SSU72: variants seen among roughly 807,000 people sequenced by gnomAD.
SSU72 encodes the protein RNA polymerase II subunit A C-terminal domain phosphatase SSU72.
SSU72 carries 12 observed loss-of-function variants against 22.7 expected under a neutral mutation model. That is an observed-to-expected ratio of 0.53 (90% confidence interval 0.34 to 0.86). The LOEUF (loss-of-function observed/expected upper bound fraction) is 0.86, where lower values mean the gene tolerates loss of function less well. SSU72 is among the 40% of genes least tolerant of loss of function. The pLI is 0.02. For synonymous variants in SSU72, 116 were observed against 98.3 expected, an observed-to-expected ratio of 1.18 and a Z score of -1.06; for missense variants, 151 against 249.8, an observed-to-expected ratio of 0.60 and a Z score of 2.67.
intron 2 of SSU72, chr1:1,546,570 C>T (rs1642391362): frequency 6.6e-6 from 1 of 152,134 alleles, no homozygotes. Context: ...GGCGTGGCGA[C>T]TCACACCTGT....
At chr1:1,559,500 A>G (rs1286992433) in intron 2 of SSU72, among the ~76,000 whole-genome samples, 1 of 152,220 alleles carries the variant, frequency 6.6e-6, no homozygotes, top group Admixed American at 6.5e-5. Context: ...CCACCCAAGG[A>G]AAGAACCTAC....
Position 1,541,809 on chromosome 1 carries a change from C to G in SSU72, c.*257G>C, listed in dbSNP as rs1642322832. On this transcript the variant is annotated 3_prime_UTR_variant, in exon 5 of 5. Coordinates refer to ENST00000291386, the MANE Select transcript of SSU72 (RefSeq NM_014188.3). ...ACACAGGTATGTCGGGAAGTGCACA[C>G]AAACCGTTGTCTTTCCTTTTTGGTT... is the stretch of plus-strand genomic sequence containing the variant. The G allele has an allele frequency of 2.1e-6, 1 of 474,442 alleles. No individual in the cohort carries two copies. Among genetic ancestry groups the G allele is most frequent in the South Asian group, 2.1e-5 (1 of 47,486 alleles). 29.4% of individuals were successfully genotyped at this position (474,442 alleles called of 1,614,324 possible).
chr1:1,547,129 C>T (rs1158482455), intron 2 of SSU72, among the ~76,000 whole-genome samples: 7 of 152,096 alleles, frequency 4.6e-5, no homozygotes, highest in Admixed American at 2.0e-4. Context: ...GGAGAGGAAC[C>T]GGGGTCAGGG....
Position 1,554,282 on chromosome 1 carries a change from G to A in SSU72, c.225-9280C>T, listed in dbSNP as rs1427470166. ...CACTCGGGGGCCCCCACGAAGCTGA[G>A]CACGAGACGGATCCGGACCACTCGG... is the stretch of plus-strand genomic sequence containing the variant. On this transcript the variant is annotated intron_variant, in intron 2 of 4. Transcript: ENST00000291386. The surrounding 1 kb of genome is among the most constrained non-coding windows in gnomAD (Gnocchi z 4.1). Among the ~76,000 whole-genome samples the A allele has an allele frequency of 2.6e-5, 4 of 151,964 alleles. No homozygotes were observed. Among genetic ancestry groups the A allele is most frequent in the African/African-American group, 9.7e-5 (4 of 41,362 alleles).
At chr1:1,564,247 T>C in intron 2 of SSU72, 1 of 422,604 alleles carries the variant, frequency 2.4e-6, no homozygotes, top group Admixed American at 4.0e-5. Flanking sequence ...TAGCCTGCTC[T>C]GTGTCCTCCT....
intron 4 of SSU72, among the ~76,000 whole-genome samples, chr1:1,543,152 A>G (rs1005368331): frequency 1.3e-5 from 2 of 152,204 alleles, no homozygotes; most frequent in African/African-American, 2.4e-5. Flanking sequence ...CAGGGTGGCT[A>G]CAGAAGCCTT....
At chr1:1,552,208 T>C (rs765121963) in intron 2 of SSU72, among the ~76,000 whole-genome samples, 5 of 152,178 alleles carry the variant, frequency 3.3e-5, no homozygotes, top group Admixed American at 6.5e-5. Flanking sequence ...CAACGGCACC[T>C]GCACAGGGAG....
chr1:1,556,773 C>T lies in SSU72; in HGVS notation c.224+8000G>A, dbSNP rs533788761. ...GCACCGTGAAACTACTTTGCAAAAGCATCTCACCTGCTGCAGACTAGGTGA... is the reference window on the plus strand; with the variant it reads ...GCACCGTGAAACTACTTTGCAAAAGTATCTCACCTGCTGCAGACTAGGTGA... On this transcript the variant is annotated intron_variant, in intron 2 of 4. Coordinates refer to ENST00000291386, the MANE Select transcript of SSU72 (RefSeq NM_014188.3). 7.9e-5 allele frequency among the ~76,000 whole-genome samples: 12 copies of T among 152,342 alleles called. No homozygotes were observed. In the South Asian group the frequency reaches 2.3e-3, roughly 29 times the overall value.
chr1:1,563,296 G>A (rs1642618067), intron 2 of SSU72: 1 of 152,240 alleles, frequency 6.6e-6, no homozygotes, highest in Non-Finnish European at 1.5e-5. Flanking sequence ...CACTCTGAGA[G>A]GCCGAGGCAG....
chr1:1,543,675 C>T (rs1642353301), intron 4 of SSU72, 194 bp downstream of exon 4: 2 of 588,954 alleles, frequency 3.4e-6, no homozygotes, highest in Non-Finnish European at 3.0e-6. Flanking sequence ...CGGCCACTCC[C>T]CACTGTCACG....
intron 4 of SSU72, 66 bp downstream of exon 4, chr1:1,543,797 CCTCTGT>C: frequency 7.7e-7 from 1 of 1,306,220 alleles, no homozygotes; most frequent in Non-Finnish European, 1.1e-6. Context: ...CGGCCACTCC[CCTCTGT>C]CACGGCCTCG....
intron 2 of SSU72, among the ~76,000 whole-genome samples, chr1:1,547,497 C>T (rs1294850503): frequency 6.6e-6 from 1 of 152,216 alleles, no homozygotes; most frequent in Admixed American, 6.5e-5. Context: ...CGAGGTGAGG[C>T]CCCGCCCAGA....
rs969478813 is a variant in SSU72, at chr1:1,571,061, C to T, written c.80+3417G>A. Among the ~76,000 whole-genome samples the T allele has an allele frequency of 2.6e-5, 4 of 152,008 alleles. No individual in the cohort carries two copies. In the South Asian group the frequency reaches 6.2e-4, roughly 24 times the overall value. ...GGAGATCGAGGCCATCTGGCCAACACGGTGAAACCCTGACTCTACTAAAAG... is the reference window on the plus strand; with the variant it reads ...GGAGATCGAGGCCATCTGGCCAACATGGTGAAACCCTGACTCTACTAAAAG... On this transcript the variant is annotated intron_variant, in intron 1 of 4. Transcript: ENST00000291386.
chr1:1,566,575 G>A lies in SSU72; in HGVS notation c.81-1659C>T, dbSNP rs1032253464. 3.3e-5 allele frequency among the ~76,000 whole-genome samples: 5 copies of A among 152,276 alleles called. No homozygotes were observed. In the South Asian group the frequency reaches 6.2e-4, roughly 19 times the overall value. On this transcript the variant is annotated intron_variant, in intron 1 of 4. Transcript: ENST00000291386. ...ATTTTAAAAAAAGAAAAGTAAGGCCGGGTGCGGTGGCTCACGCCTGTAGTT... is the reference window on the plus strand; with the variant it reads ...ATTTTAAAAAAAGAAAAGTAAGGCCAGGTGCGGTGGCTCACGCCTGTAGTT...
At chr1:1,550,969 A>T (rs964498596) in intron 2 of SSU72, among the ~76,000 whole-genome samples, 1 of 151,948 alleles carries the variant, frequency 6.6e-6, no homozygotes, top group Non-Finnish European at 1.5e-5. Flanking sequence ...TGCTGTGGAC[A>T]CATCCACCCC....
At chr1:1,571,971 A>G (rs1642736651) in intron 1 of SSU72, among the ~76,000 whole-genome samples, 1 of 150,548 alleles carries the variant, frequency 6.6e-6, no homozygotes, top group South Asian at 2.1e-4. Context: ...ATTTTTTTGT[A>G]TTTTTTGTAG....
In SSU72 at chr1:1,574,832, C is replaced by G. The variant is rs1246259269; in HGVS notation, c.-275G>C. ...CGGCCCCCGGCGTCCGCAGCAGAGA[C>G]CCGCACTCCACAAGGCCCGGCTGAG... is the stretch of plus-strand genomic sequence containing the variant. On this transcript the variant is annotated 5_prime_UTR_variant, in exon 1 of 5. Transcript: ENST00000291386. The G allele has an allele frequency of 2.9e-6, 1 of 340,086 alleles. No homozygotes were observed. The highest frequency in any genetic ancestry group is 2.2e-5 in the African/African-American group (1 of 44,782). 21.1% of individuals were successfully genotyped at this position (340,086 alleles called of 1,614,324 possible).
At chr1:1,569,439 T>C (rs1389763171) in intron 1 of SSU72, among the ~76,000 whole-genome samples, 1 of 152,156 alleles carries the variant, frequency 6.6e-6, no homozygotes, top group African/African-American at 2.4e-5. Context: ...TACTATCACT[T>C]GGATTTATCA....
At chr1:1,556,325 T>C (rs1385178493) in intron 2 of SSU72, among the ~76,000 whole-genome samples, 1 of 152,092 alleles carries the variant, frequency 6.6e-6, no homozygotes, top group Non-Finnish European at 1.5e-5. Flanking sequence ...CCCAGCTACT[T>C]GGGAAGCTGA....
Sources: gnomAD v4.1 joint callset for allele counts (sites outside exome capture counted in the v4.1 genomes callset) on GRCh38, gnomAD v4.1.1 for gene constraint, Gnocchi (gnomAD v3.1) non-coding constraint, MANE v1.5 for transcripts, NCBI Gene and HGNC (gene_info 2026-07-23, HGNC 2026-07-21) for gene names.